The following EFNA5 variants were observed in gnomAD, a reference collection of about 807,000 sequenced individuals.
EFNA5 encodes the protein ephrin A5, also known as ephrin-A5.
Under a neutral mutation model 22.9 loss-of-function variants are expected in EFNA5, and 5 were observed. The ratio of observed to expected loss-of-function variants is 0.22; its 90% CI spans 0.11 to 0.46. EFNA5 has a LOEUF of 0.46. EFNA5 is among the 20% of genes least tolerant of loss of function. The probability of loss-of-function intolerance (pLI) is 0.99; values close to 1 mark genes in which losing one functional copy is unlikely to be tolerated. For missense variants in EFNA5, 237 were observed against 293.3 expected, an observed-to-expected ratio of 0.81 and a Z score of 1.40; for synonymous variants, 113 against 112.2, an observed-to-expected ratio of 1.01 and a Z score of -0.04.
At chr5:107,634,898 T>C (rs561219223) in intron 1 of EFNA5, among the ~76,000 whole-genome samples, 105 of 152,278 alleles carry the variant, frequency 6.9e-4, no homozygotes, top group Admixed American at 2.4e-3. Flanking sequence ...GTAAGGATGT[T>C]GACAAATCAA....
intron 1 of EFNA5, among the ~76,000 whole-genome samples, chr5:107,661,341 T>C (rs569024128): frequency 1.5e-4 from 23 of 152,292 alleles, no homozygotes; most frequent in Admixed American, 1.3e-3. Flanking sequence ...AACATTTTCA[T>C]AAATGGTAAG....
At chr5:107,500,123 A>C (rs928438633) in intron 1 of EFNA5, among the ~76,000 whole-genome samples, 1 of 152,130 alleles carries the variant, frequency 6.6e-6, no homozygotes, top group East Asian at 1.9e-4. Context: ...CCCAAATGCC[A>C]CTCTTGGATA....
intron 1 of EFNA5, among the ~76,000 whole-genome samples, chr5:107,509,533 A>G (rs1262222711): frequency 7.1e-6 from 1 of 140,632 alleles, no homozygotes; most frequent in African/African-American, 2.7e-5. Flanking sequence ...GAGTTTCACC[A>G]TGTTGGCCAA....
intron 2 of EFNA5, among the ~76,000 whole-genome samples, chr5:107,394,980 G>A (rs1313625962): frequency 1.3e-5 from 2 of 148,552 alleles, no homozygotes; most frequent in Non-Finnish European, 3.0e-5. Flanking sequence ...CAAAAATAAC[G>A]TGGATTTTGG....
At position 107,520,858 on chromosome 5, in the gene EFNA5, G is replaced by A. The variant is rs1747582510; in HGVS notation, c.126-93349C>T. Among the ~76,000 whole-genome samples, 3 of 152,122 alleles carry A rather than the reference G, an allele frequency of 2.0e-5. No individual in the cohort carries two copies. The South Asian group carries it at 6.2e-4, about 32-fold the overall frequency. On this transcript the variant is annotated intron_variant, in intron 1 of 4. Transcript: ENST00000333274. Reference sequence around the variant, plus strand: ...ATTATCTTAACAGTGATAGCTCAGGGTACTTAGCAGTCATTCATACCCTGG... The same window carrying A: ...ATTATCTTAACAGTGATAGCTCAGGATACTTAGCAGTCATTCATACCCTGG...
intron 2 of EFNA5, among the ~76,000 whole-genome samples, chr5:107,405,793 C>T (rs532249697): frequency 1.3e-5 from 2 of 151,594 alleles, no homozygotes; most frequent in African/African-American, 4.8e-5. Context: ...TATGATGAAC[C>T]GCCCCCCATA....
chr5:107,453,420 T>C (rs1348772038), intron 1 of EFNA5, among the ~76,000 whole-genome samples: 2 of 152,222 alleles, frequency 1.3e-5, no homozygotes, highest in Non-Finnish European at 2.9e-5. Flanking sequence ...GTCATTCTGA[T>C]TTAAGTATAG....
chr5:107,651,370 A>G (rs1213566020), intron 1 of EFNA5, among the ~76,000 whole-genome samples: 1 of 152,160 alleles, frequency 6.6e-6, no homozygotes, highest in Non-Finnish European at 1.5e-5. Context: ...CAATTCCTAG[A>G]GGGGCACATA....
In EFNA5 at chr5:107,522,085, T is replaced by C. The variant is rs1747610768; in HGVS notation, c.126-94576A>G. On this transcript the variant is annotated intron_variant, in intron 1 of 4. Coordinates refer to ENST00000333274, the MANE Select transcript of EFNA5 (RefSeq NM_001962.3). ...CAACGGTCCATAGTATTTTCAAGAA[T>C]GAAAACTCTTCCATGAAGCAGCTGT... is the stretch of plus-strand genomic sequence containing the variant. 2.0e-5 allele frequency among the ~76,000 whole-genome samples: 3 copies of C among 152,322 alleles called. No homozygotes were observed. In the South Asian group the frequency reaches 6.2e-4, roughly 32 times the overall value.
chr5:107,463,136 A>G (rs114281047), intron 1 of EFNA5, among the ~76,000 whole-genome samples: 3,001 of 152,210 alleles, frequency 0.02, 95 homozygotes, highest in African/African-American at 0.07. Flanking sequence ...ATCTACTTTT[A>G]TTTTTGCTCT....
At chr5:107,596,016 TTCC>T (rs1476806897) in intron 1 of EFNA5, among the ~76,000 whole-genome samples, 2 of 152,188 alleles carry the variant, frequency 1.3e-5, no homozygotes, top group Non-Finnish European at 2.9e-5. Context: ...AAATATTCCC[TTCC>T]TCCTATTTCT....
At chr5:107,398,876 ATCT>A (rs1224775706) in intron 2 of EFNA5, among the ~76,000 whole-genome samples, 2 of 150,576 alleles carry the variant, frequency 1.3e-5, no homozygotes, top group Non-Finnish European at 3.0e-5. Flanking sequence ...AAAAAAAAAA[ATCT>A]TCTAGCTGCA....
intron 3 of EFNA5, among the ~76,000 whole-genome samples, 192 bp downstream of exon 3, chr5:107,387,514 C>G (rs1747660113): frequency 6.6e-6 from 1 of 152,050 alleles, no homozygotes; most frequent in African/African-American, 2.4e-5. Context: ...TTAGCAACTG[C>G]TGTGTACTTA....
intron 1 of EFNA5, among the ~76,000 whole-genome samples, chr5:107,443,003 T>C (rs1015224922): frequency 6.8e-6 from 1 of 146,770 alleles, no homozygotes; most frequent in Non-Finnish European, 1.5e-5. Flanking sequence ...CAAACCAGAG[T>C]ATTCTCTTCA....
intron 1 of EFNA5, among the ~76,000 whole-genome samples, chr5:107,625,027 G>A (rs776596028): frequency 3.3e-5 from 5 of 152,038 alleles, no homozygotes; most frequent in Admixed American, 6.6e-5. Flanking sequence ...GCACAATGCT[G>A]GCCTTAACGC....
At chr5:107,623,718 AAAC>A (rs1296905475) in intron 1 of EFNA5, among the ~76,000 whole-genome samples, 2 of 151,878 alleles carry the variant, frequency 1.3e-5, no homozygotes, top group Non-Finnish European at 2.9e-5. Context: ...AAAAAAAAAA[AAAC>A]AACTACCACT....
chr5:107,543,781 C>G (rs1401855777), intron 1 of EFNA5, among the ~76,000 whole-genome samples: 1 of 152,156 alleles, frequency 6.6e-6, no homozygotes, highest in Admixed American at 6.5e-5. Context: ...TAGGCTACAA[C>G]CATAACTTTT....
intron 1 of EFNA5, among the ~76,000 whole-genome samples, chr5:107,591,976 A>T (rs55716735): frequency 0.013 from 266 of 20,492 alleles, 5 homozygotes; most frequent in African/African-American, 0.022. Flanking sequence ...TAATATATAT[A>T]ATATATAATA....
chr5:107,490,332 G>C (rs1381981098), intron 1 of EFNA5, among the ~76,000 whole-genome samples: 1 of 152,092 alleles, frequency 6.6e-6, no homozygotes, highest in East Asian at 1.9e-4. Flanking sequence ...CCTAGCTCAT[G>C]GGATCCTCCT....
Sources: allele counts gnomAD v4.1 joint callset (sites outside exome capture counted in the v4.1 genomes callset), GRCh38; gene constraint gnomAD v4.1.1; transcripts MANE v1.5; gene names NCBI Gene and HGNC (gene_info 2026-07-23, HGNC 2026-07-21).